ACAD11: variants seen among roughly 807,000 people sequenced by gnomAD.
ACAD11 encodes acyl-CoA dehydrogenase family member 11, also known as acyl-Coenzyme A dehydrogenase family, member 11.
In ACAD11, 83 loss-of-function variants were observed where a neutral mutation model predicts 102.2. That is an observed-to-expected ratio of 0.81 (90% CI 0.68 to 0.97). The LOEUF is 0.97. Among genes scored for constraint, ACAD11 ranks in the 50% least tolerant of loss-of-function variants. The probability of loss-of-function intolerance (pLI) is 0.00; values close to 1 mark genes in which losing one functional copy is unlikely to be tolerated. For synonymous variants in ACAD11, 324 were observed against 319.8 expected (o/e 1.01, Z -0.14); for missense variants, 901 against 951.7 (o/e 0.95, Z 0.70).
chr3:132,655,405 C>T (rs1202514404), intron 1 of ACAD11, among the ~76,000 whole-genome samples: 1 of 152,158 alleles, frequency 6.6e-6, no homozygotes, highest in Non-Finnish European at 1.5e-5. Context: ...AAGTAAAAGC[C>T]AAAGTCTCTT....
At position 132,562,851 on chromosome 3, in the gene ACAD11, T is replaced by G. The variant is rs368561825; in HGVS notation, c.2002-1634A>C. 3.8e-4 allele frequency among the ~76,000 whole-genome samples: 58 copies of G among 152,342 alleles called. No individual in the cohort carries two copies. In the South Asian group the frequency reaches 8.9e-3, roughly 23 times the overall value. On this transcript the variant is annotated intron_variant, in intron 17 of 19. Coordinates refer to ENST00000264990, the MANE Select transcript of ACAD11 (RefSeq NM_032169.5). Reference sequence around the variant, plus strand: ...TTTGCCACATGAGAAATCTGTCAATTCTTTCTTTTATGAGCCTTGCTTTTG... The same window carrying G: ...TTTGCCACATGAGAAATCTGTCAATGCTTTCTTTTATGAGCCTTGCTTTTG...
intron 18 of ACAD11, among the ~76,000 whole-genome samples, chr3:132,560,168 ACTTGT>A (rs1302341495): frequency 1.3e-5 from 2 of 152,068 alleles, no homozygotes; most frequent in Non-Finnish European, 1.5e-5. Context: ...TTTATTTCTA[ACTTGT>A]CTTGTTTCCA....
chr3:132,559,005 C>CG lies in ACAD11; in HGVS notation c.2308dup (p.Arg770ProfsTer42), dbSNP rs1559926704. On this transcript the variant is annotated frameshift_variant, in exon 20 of 20. Transcript: ENST00000264990. LOFTEE classifies it high-confidence loss of function. ...GGCTGTCAGTCTTTTGGCTTGGTCC[C>CG]GCAGCTCCATTGTTGCGATTGCTGA... 1 of 1,613,646 alleles carries CG rather than the reference C, an allele frequency of 6.2e-7. No homozygotes were observed. The highest frequency in any genetic ancestry group is 1.7e-5 in the Admixed American group (1 of 59,966).
At chr3:132,603,153 T>C (rs1938688884) in intron 13 of ACAD11, 76 bp downstream of exon 13, 3 of 1,203,254 alleles carry the variant, frequency 2.5e-6, no homozygotes, top group Non-Finnish European at 2.5e-6. Flanking sequence ...TCACTATGTA[T>C]CATAGCAATA....
In ACAD11 at chr3:132,626,635, A is replaced by G. The variant is rs201491662; in HGVS notation, c.1197+56T>C. On this transcript the variant is annotated intron_variant, in intron 9 of 19. Coordinates refer to ENST00000264990, the MANE Select transcript of ACAD11 (RefSeq NM_032169.5). ...GCTTCTCCTATAAGCAGAAATAACA[A>G]AAGTATTCATTGATAGTCCTTTAGC... is the stretch of plus-strand genomic sequence containing the variant. The G allele has an allele frequency of 3.4e-4, 546 of 1,598,628 alleles. 3 individuals carry two copies. In the Middle Eastern group the frequency reaches 0.013, roughly 38 times the overall value.
At position 132,639,552 on chromosome 3, in the gene ACAD11, A is replaced by G; in HGVS notation, c.642T>C (p.Asn214=). 1 of 1,613,936 alleles carries G rather than the reference A, an allele frequency of 6.2e-7. No individual in the cohort carries two copies. The highest frequency in any genetic ancestry group is 8.5e-7 in the Non-Finnish European group (1 of 1,179,966). ...AATCTCCATGAATCAAATTCTCTTC[A>G]TTGTCATTATCGGGCAAGTTCTTCA... The part of the protein sequence containing the change: ...WLMKNLPDND[N]EENLIHGDFR... Residue 214 remains asparagine, a synonymous_variant, in exon 5 of 20, where the codon AAT becomes AAC. Transcript: ENST00000264990.
intron 17 of ACAD11, among the ~76,000 whole-genome samples, chr3:132,567,205 CT>C (rs1307507897): frequency 6.6e-6 from 1 of 152,136 alleles, no homozygotes; most frequent in African/African-American, 2.4e-5. Context: ...TCTCAAACTC[CT>C]GACCTCAAAT....
chr3:132,648,165 C>T (rs1017588121), intron 1 of ACAD11, among the ~76,000 whole-genome samples: 4 of 152,082 alleles, frequency 2.6e-5, no homozygotes, highest in Non-Finnish European at 4.4e-5. Context: ...CTTCCAGGGC[C>T]CTAGCAAAGG....
chr3:132,587,134 AC>A (rs1937876626), intron 13 of ACAD11, among the ~76,000 whole-genome samples: 1 of 152,146 alleles, frequency 6.6e-6, no homozygotes, highest in South Asian at 2.1e-4. Flanking sequence ...TGGTACGTGC[AC>A]TGACATTAGA....
At chr3:132,627,481 C>T (rs1210547504) in intron 8 of ACAD11, among the ~76,000 whole-genome samples, 1 of 152,128 alleles carries the variant, frequency 6.6e-6, no homozygotes, top group Non-Finnish European at 1.5e-5. Flanking sequence ...GAATTGAACA[C>T]AAATAATCAT....
At chr3:132,588,713 T>C (rs568532647) in intron 13 of ACAD11, among the ~76,000 whole-genome samples, 2 of 152,340 alleles carry the variant, frequency 1.3e-5, no homozygotes, top group African/African-American at 4.8e-5. Context: ...TCATTTGTAC[T>C]AATGAGAAAA....
rs374080359 is a variant in ACAD11 at position 132,573,986 on chromosome 3, G to T, written c.2001+1786C>A. Among the ~76,000 whole-genome samples the T allele has an allele frequency of 5.3e-4, 80 of 152,294 alleles. No homozygotes were observed. In the South Asian group the frequency reaches 9.1e-3, roughly 17 times the overall value. ...CATGCTCACACATCTTTTTGTTTCT[G>T]CCAGATCACGTTATTTGTGCCAGAT... On this transcript the variant is annotated intron_variant, in intron 17 of 19. Coordinates refer to ENST00000264990, the MANE Select transcript of ACAD11 (RefSeq NM_032169.5).
At chr3:132,648,806 AAG>A (rs908915581) in intron 1 of ACAD11, 3 of 152,316 alleles carry the variant, frequency 2.0e-5, no homozygotes, top group African/African-American at 7.2e-5. Context: ...GTGTAGGGAA[AAG>A]AGAGATCAGA....
intron 13 of ACAD11, among the ~76,000 whole-genome samples, chr3:132,585,742 G>GCA (rs1421624664): frequency 1.3e-5 from 2 of 152,212 alleles, no homozygotes; most frequent in African/African-American, 2.4e-5. Flanking sequence ...ATGAAAAAAT[G>GCA]CTCATCATCA....
intron 1 of ACAD11, among the ~76,000 whole-genome samples, chr3:132,658,111 C>A (rs547137332): frequency 6.6e-6 from 1 of 152,278 alleles, no homozygotes; most frequent in Admixed American, 6.5e-5. Flanking sequence ...GATCCACGTG[C>A]CTCGGCCTCC....
intron 13 of ACAD11, among the ~76,000 whole-genome samples, chr3:132,585,231 C>G (rs968555388): frequency 6.6e-5 from 10 of 152,132 alleles, no homozygotes; most frequent in Non-Finnish European, 1.2e-4. Context: ...CTGACAAAAA[C>G]AAGAAATGGG....
chr3:132,589,996 A>G (rs1331086824), intron 13 of ACAD11, among the ~76,000 whole-genome samples: 1 of 152,200 alleles, frequency 6.6e-6, no homozygotes, highest in Admixed American at 6.5e-5. Context: ...GCTAAGGATA[A>G]TAGCCTCCAG....
At chr3:132,581,650 CA>C (rs1390311083) in intron 13 of ACAD11, among the ~76,000 whole-genome samples, 5 of 151,824 alleles carry the variant, frequency 3.3e-5, no homozygotes, top group African/African-American at 1.2e-4. Flanking sequence ...TTAGAAACTC[CA>C]GGAAAATAAT....
Position 132,575,474 on chromosome 3 carries a change from A to C in ACAD11, c.2001+298T>G, listed in dbSNP as rs142515203. 6.0e-4 allele frequency among the ~76,000 whole-genome samples: 92 copies of C among 152,306 alleles called. 1 individual carries two copies. The highest frequency in any genetic ancestry group is 2.1e-3 in the African/African-American group (86 of 41,566). On this transcript the variant is annotated intron_variant, in intron 17 of 19. Transcript: ENST00000264990. ...CCTTCTTCCTTATGACAGCTCCTTC[A>C]TGTCCACAGGGAGCTCTAATGTTCC... is the stretch of plus-strand genomic sequence containing the variant.
Sources: gnomAD v4.1 joint callset for allele counts (sites outside exome capture counted in the v4.1 genomes callset) on GRCh38, gnomAD v4.1.1 for gene constraint, MANE v1.5 for transcripts, NCBI Gene and HGNC (gene_info 2026-07-23, HGNC 2026-07-21) for gene names.